MAPRE3: variants seen among roughly 807,000 people sequenced by gnomAD.
MAPRE3 encodes the protein microtubule-associated protein RP/EB family member 3.
In MAPRE3, 2 loss-of-function variants were observed where a neutral mutation model predicts 30.5. The observed-to-expected ratio is 0.07, with a 90% CI of 0.03 to 0.21. The LOEUF (loss-of-function observed/expected upper bound fraction) is 0.21, where lower values mean the gene tolerates loss of function less well. MAPRE3 is among the 10% of genes least tolerant of loss of function. The probability of loss-of-function intolerance (pLI) is 1.00; values close to 1 mark genes in which losing one functional copy is unlikely to be tolerated. For missense variants in MAPRE3, 204 were observed against 351.8 expected (o/e 0.58, Z 3.36); for synonymous variants, 110 against 127.7 (o/e 0.86, Z 0.93).
In MAPRE3 at chr2:27,025,265, A is replaced by C. The variant is rs554422146; in HGVS notation, c.470-318A>C. Among the ~76,000 whole-genome samples the C allele has an allele frequency of 4.3e-4, 66 of 152,144 alleles. 3 individuals carry two copies. In the South Asian group the frequency reaches 0.013, roughly 31 times the overall value. On this transcript the variant is annotated intron_variant, in intron 4 of 6. Coordinates refer to ENST00000233121, the MANE Select transcript of MAPRE3 (RefSeq NM_012326.4). ...GAGGGTCCCGCACCCTTCCAACTCT[A>C]CTTCCCCAAATTTGCGTCCTAATTT...
At chr2:26,987,480 T>TA (rs1221501124) in intron 1 of MAPRE3, among the ~76,000 whole-genome samples, 1 of 151,838 alleles carries the variant, frequency 6.6e-6, no homozygotes, top group South Asian at 2.1e-4. Context: ...CTACTAAAAA[T>TA]ACAAAAAAAT....
At chr2:27,002,419 CT>C (rs11372255) in intron 1 of MAPRE3, among the ~76,000 whole-genome samples, 66 of 146,792 alleles carry the variant, frequency 4.5e-4, no homozygotes, top group African/African-American at 4.7e-4. Context: ...GGCTTTTAAT[CT>C]TTTTTTTTTT....
chr2:26,972,542 G>A (rs1476957732), intron 1 of MAPRE3, among the ~76,000 whole-genome samples: 2 of 152,250 alleles, frequency 1.3e-5, no homozygotes, highest in African/African-American at 4.8e-5. Context: ...TGCCTGTGGT[G>A]CAGTGGGAAC....
At chr2:26,999,777 C>T (rs1433192716) in intron 1 of MAPRE3, among the ~76,000 whole-genome samples, 2 of 152,080 alleles carry the variant, frequency 1.3e-5, no homozygotes, top group East Asian at 1.9e-4. Flanking sequence ...GCTGGGATTA[C>T]AGGCGTGAGC....
chr2:26,972,417 C>T lies in MAPRE3; in HGVS notation c.-8+1615C>T, dbSNP rs1295644998. Among the ~76,000 whole-genome samples the T allele has an allele frequency of 2.0e-5, 3 of 152,244 alleles. No homozygotes were observed. The East Asian group carries it at 5.8e-4, about 29-fold the overall frequency. On this transcript the variant is annotated intron_variant, in intron 1 of 6. Transcript: ENST00000233121. ...TCAGATTAGTTTACAGTAGCCAAGA[C>T]GGCTGTCGCCCTAGTTTTAAACATA...
rs1248426291 is a variant in MAPRE3 at position 27,008,472 on chromosome 2, G to GA, written c.-7-13734dup. Among the ~76,000 whole-genome samples the GA allele has an allele frequency of 2.0e-5, 3 of 152,106 alleles. No homozygotes were observed. The East Asian group carries it at 5.8e-4, about 29-fold the overall frequency. On this transcript the variant is annotated intron_variant, in intron 1 of 6. Coordinates refer to ENST00000233121, the MANE Select transcript of MAPRE3 (RefSeq NM_012326.4). ...GTTATGAAATTTATTTTAAAAAGAA[G>GA]AAAAAATCTGAATTTGGATTTTTTG...
chr2:27,001,131 A>G lies in MAPRE3; in HGVS notation c.-7-21081A>G, dbSNP rs148286125. ...TTTTTGTTCTGTAATACAATCATAC[A>G]TTGCTTAATGATGGGATACATTCCG... On this transcript the variant is annotated intron_variant, in intron 1 of 6. Coordinates refer to ENST00000233121, the MANE Select transcript of MAPRE3 (RefSeq NM_012326.4). Among the ~76,000 whole-genome samples the G allele has an allele frequency of 8.3e-3, 1,268 of 152,322 alleles. 19 individuals carry two copies. Among genetic ancestry groups the G allele is most frequent in the African/African-American group, 0.03 (1,235 of 41,560 alleles).
intron 1 of MAPRE3, among the ~76,000 whole-genome samples, chr2:26,984,215 CA>C (rs1431220627): frequency 6.6e-6 from 1 of 152,104 alleles, no homozygotes; most frequent in African/African-American, 2.4e-5. Flanking sequence ...TAGTCATAAT[CA>C]AAAACCCCTT....
intron 4 of MAPRE3, among the ~76,000 whole-genome samples, chr2:27,024,616 G>A (rs1558388791): frequency 6.6e-6 from 1 of 152,198 alleles, no homozygotes; most frequent in African/African-American, 2.4e-5. Context: ...AGGTGGCTTG[G>A]TTTCTCCATC....
At chr2:27,011,945 C>T (rs1420334410) in intron 1 of MAPRE3, 3 of 151,376 alleles carry the variant, frequency 2.0e-5, no homozygotes, top group African/African-American at 7.3e-5. Flanking sequence ...CATGGTGGCT[C>T]ATGCCTGTAA....
At chr2:27,025,248 C>T (rs560124639) in intron 4 of MAPRE3, among the ~76,000 whole-genome samples, 13 of 152,272 alleles carry the variant, frequency 8.5e-5, no homozygotes, top group African/African-American at 2.9e-4. Flanking sequence ...GAGAGGGTCC[C>T]GCACCCTTCC....
At chr2:26,974,562 C>CTCT (rs1357511063) in intron 1 of MAPRE3, among the ~76,000 whole-genome samples, 1 of 152,158 alleles carries the variant, frequency 6.6e-6, no homozygotes, top group Admixed American at 6.5e-5. Context: ...TATCTTCCAC[C>CTCT]TCTCAGAATG....
intron 1 of MAPRE3, among the ~76,000 whole-genome samples, chr2:27,006,575 C>T (rs1454270041): frequency 6.6e-6 from 1 of 152,174 alleles, no homozygotes; most frequent in Non-Finnish European, 1.5e-5. Flanking sequence ...GGACTACAGG[C>T]ATGTGCCACC....
intron 5 of MAPRE3, 69 bp downstream of exon 5, chr2:27,025,806 G>A (rs1667227548): frequency 6.2e-7 from 1 of 1,613,446 alleles, no homozygotes; most frequent in African/African-American, 1.3e-5. Flanking sequence ...GGTGTCTGCA[G>A]GGACGAGAGG....
intron 1 of MAPRE3, among the ~76,000 whole-genome samples, chr2:26,982,612 AAC>A (rs1313129177): frequency 6.6e-6 from 1 of 152,214 alleles, no homozygotes; most frequent in East Asian, 1.9e-4. Flanking sequence ...ACTCTCTATA[AAC>A]ACAGCCTCCT....
chr2:27,001,122 C>T (rs1346555141), intron 1 of MAPRE3, among the ~76,000 whole-genome samples: 1 of 152,176 alleles, frequency 6.6e-6, no homozygotes. Flanking sequence ...TTCTGTAATA[C>T]AATCATACAT....
chr2:27,023,963 G>T (rs1027074551), intron 3 of MAPRE3, 133 bp from the exon 4 acceptor site: 1 of 662,020 alleles, frequency 1.5e-6, no homozygotes, highest in East Asian at 2.7e-5. Flanking sequence ...GCCGTGGGAG[G>T]GGGGCAAGTG....
intron 1 of MAPRE3, among the ~76,000 whole-genome samples, chr2:27,011,156 T>A (rs1666847385): frequency 6.6e-6 from 1 of 152,176 alleles, no homozygotes; most frequent in African/African-American, 2.4e-5. Flanking sequence ...TCATTGGTCT[T>A]ATGCTCTTTT....
chr2:27,021,387 T>C (rs566021537), intron 1 of MAPRE3, among the ~76,000 whole-genome samples: 58 of 152,232 alleles, frequency 3.8e-4, no homozygotes, highest in African/African-American at 1.3e-3. Context: ...AAGGTGGTGA[T>C]TAATTGCTGG....
Sources: gnomAD v4.1 joint callset for allele counts (sites outside exome capture counted in the v4.1 genomes callset) on GRCh38, gnomAD v4.1.1 for gene constraint, MANE v1.5 for transcripts, NCBI Gene and HGNC (gene_info 2026-07-23, HGNC 2026-07-21) for gene names.